CROCC2: variants seen among roughly 807,000 people sequenced by gnomAD.
CROCC2 encodes ciliary rootlet coiled-coil protein 2.
In CROCC2, 163 loss-of-function variants were observed where a neutral mutation model predicts 177.6. That is an observed-to-expected ratio of 0.92 (90% CI 0.81 to 1.05). The LOEUF (loss-of-function observed/expected upper bound fraction) is 1.05. Among genes scored for constraint, CROCC2 ranks in the 50% least tolerant of loss-of-function variants. The probability of loss-of-function intolerance (pLI) is 0.00; values close to 1 mark genes in which losing one functional copy is unlikely to be tolerated. For synonymous variants in CROCC2, 904 were observed against 787.3 expected (o/e 1.15, Z -2.48); for missense variants, 1,929 against 1,797.8 (o/e 1.07, Z -1.32).
At chr2:240,944,145 A>G (rs2059509915) in intron 14 of CROCC2, among the ~76,000 whole-genome samples, 1 of 152,218 alleles carries the variant, frequency 6.6e-6, no homozygotes, top group African/African-American at 2.4e-5. Context: ...AAGTCATTCC[A>G]TCATCTTCTG....
At chr2:240,964,073 A>C (rs879945448) in intron 21 of CROCC2, 5 of 554,422 alleles carry the variant, frequency 9.0e-6, no homozygotes, top group Non-Finnish European at 1.6e-5. Context: ...GCTGGGGAGC[A>C]GAGGGAGGCC....
intron 18 of CROCC2, chr2:240,951,001 A>C (rs2059552207): frequency 6.5e-6 from 1 of 154,542 alleles, no homozygotes. Flanking sequence ...CTACTCATCC[A>C]TCCATCCACC....
chr2:240,993,188 T>C lies in CROCC2; in HGVS notation c.*107T>C. 1.5e-6 allele frequency: 1 copy of C among 671,802 alleles called. No homozygotes were observed. Among genetic ancestry groups the C allele is most frequent in the Non-Finnish European group, 2.8e-6 (1 of 355,672 alleles). The allele number at this position is 671,802 out of a possible 1,614,324, so 41.6% of individuals were successfully genotyped here. ...TCAGCGTCACAGTGAAAGGCACCCG[T>C]GATGAGACAGCTCGCTCTCGGCAGT... is the stretch of plus-strand genomic sequence containing the variant. On this transcript the variant is annotated 3_prime_UTR_variant, in exon 32 of 32. Transcript: ENST00000690015.
chr2:240,949,571 G>A lies in CROCC2; in HGVS notation c.2521G>A (p.Glu841Lys), dbSNP rs946324577. ...GCTACAAAGTGACTGGGAGGTCCAG[G>A]AAATGAAGCTGCGGCAGGACACGGT... ...EQLQSDWEVQEMKLRQDTVRL... is the reference protein window; with the variant it reads ...EQLQSDWEVQKMKLRQDTVRL... The change falls in exon 17 of 32, where the codon GAA becomes AAA. Residue 841 changes from glutamate to lysine, a missense_variant. Physicochemically the swap from Glu to Lys is moderately conservative, Grantham distance 56 (BLOSUM62 1). Around this residue, in one of 3 missense-constraint regions of CROCC2, gnomAD observed 1,397 missense variants for 1,239.9 expected, o/e 1.13. Coordinates refer to ENST00000690015, the MANE Select transcript of CROCC2 (RefSeq NM_001351305.2). The surrounding 1 kb of genome is among the most constrained non-coding windows in gnomAD (Gnocchi z 4.5). 4 of 1,550,482 alleles carry A rather than the reference G, an allele frequency of 2.6e-6. No individual in the cohort carries two copies. The African/African-American group carries it at 5.5e-5, about 21-fold the overall frequency.
rs1009117949 is a variant in CROCC2 at position 240,992,320 on chromosome 2, C to T, written c.4947-746C>T. ...CCGTCCCAGTCGCAAGGACTCTGGC[C>T]TAAGGGTGCAAGGCCAGAGGCTCCC... On this transcript the variant is annotated intron_variant, in intron 31 of 31. Coordinates refer to ENST00000690015, the MANE Select transcript of CROCC2 (RefSeq NM_001351305.2). 2.0e-5 allele frequency among the ~76,000 whole-genome samples: 3 copies of T among 152,150 alleles called. 1 individual carries two copies. Among genetic ancestry groups the T allele is most frequent in the Non-Finnish European group, 4.4e-5 (3 of 68,032 alleles).
At chr2:240,915,925 C>G (rs1039922377) in intron 1 of CROCC2, among the ~76,000 whole-genome samples, 1 of 152,222 alleles carries the variant, frequency 6.6e-6, no homozygotes, top group African/African-American at 2.4e-5. Context: ...TGTTCCCTCC[C>G]ACTGCGAGGC....
intron 21 of CROCC2, chr2:240,964,226 G>T (rs1237835217): frequency 3.4e-6 from 2 of 585,594 alleles, no homozygotes; most frequent in African/African-American, 1.9e-5. Flanking sequence ...GACAGGGAGG[G>T]ATGAGGTGAG....
intron 19 of CROCC2, 29 bp downstream of exon 19, chr2:240,956,001 A>G (rs1019886336): frequency 1.3e-6 from 2 of 1,502,166 alleles, no homozygotes; most frequent in Admixed American, 3.9e-5. Flanking sequence ...GGCCACGTGC[A>G]CAGCCAAGCA....
chr2:240,972,441 G>A lies in CROCC2; in HGVS notation c.4401+4179G>A, dbSNP rs571550349. Among the ~76,000 whole-genome samples, 15 of 152,172 alleles carry A rather than the reference G, an allele frequency of 9.9e-5. No homozygotes were observed. The highest frequency in any genetic ancestry group is 1.2e-4 in the African/African-American group (5 of 41,526). ...GCCTCACAGGGATGGAGGGCTCCCC[G>A]GGTCCCCCAGCCACAGCAACCCTCT... On this transcript the variant is annotated intron_variant, in intron 27 of 31. Coordinates refer to ENST00000690015, the MANE Select transcript of CROCC2 (RefSeq NM_001351305.2). The surrounding 1 kb of genome is among the most constrained non-coding windows in gnomAD (Gnocchi z 7.1).
intron 14 of CROCC2, among the ~76,000 whole-genome samples, chr2:240,943,522 C>G (rs1030491645): frequency 2.7e-5 from 4 of 146,576 alleles, no homozygotes; most frequent in Non-Finnish European, 5.9e-5. Flanking sequence ...GAGTCTTGCT[C>G]TGTCGCCCAG....
At chr2:240,934,593 C>A in intron 12 of CROCC2, 118 bp downstream of exon 12, 1 of 1,103,332 alleles carries the variant, frequency 9.1e-7, no homozygotes, top group Non-Finnish European at 1.3e-6. Context: ...AGCCCATCAC[C>A]AGAGATCCCA....
At chr2:240,984,001 C>T (rs919657186) in intron 28 of CROCC2, among the ~76,000 whole-genome samples, 1 of 152,176 alleles carries the variant, frequency 6.6e-6, no homozygotes, top group Non-Finnish European at 1.5e-5. Flanking sequence ...TCAACGCTCA[C>T]AAGGATAGTG....
intron 4 of CROCC2, among the ~76,000 whole-genome samples, chr2:240,924,554 A>C (rs1438525680): frequency 5.3e-3 from 2 of 378 alleles, no homozygotes; most frequent in African/African-American, 0.026. Flanking sequence ...CCCAGCCCCC[A>C]ACACTAACCC....
intron 1 of CROCC2, among the ~76,000 whole-genome samples, chr2:240,916,577 G>A (rs141991586): frequency 0.098 from 14,751 of 150,010 alleles, 802 homozygotes; most frequent in South Asian, 0.22. Flanking sequence ...GGCTCCAGCT[G>A]GGCCGCGGCC....
At chr2:240,967,526 G>T in intron 26 of CROCC2, 61 bp downstream of exon 26, 1 of 1,539,676 alleles carries the variant, frequency 6.5e-7, no homozygotes, top group Non-Finnish European at 8.8e-7. Flanking sequence ...GCACCACCAT[G>T]TCCCCACTGC....
intron 28 of CROCC2, among the ~76,000 whole-genome samples, chr2:240,984,872 C>CCA (rs1491047750): frequency 4.2e-5 from 1 of 23,602 alleles, no homozygotes. Context: ...GGCACTCACT[C>CCA]CACACACACC....
intron 15 of CROCC2, among the ~76,000 whole-genome samples, chr2:240,947,596 G>T (rs528858496): frequency 6.6e-6 from 1 of 152,250 alleles, no homozygotes; most frequent in African/African-American, 2.4e-5. Flanking sequence ...GCCAGAGAGC[G>T]TGGAAGCTGC....
intron 14 of CROCC2, 96 bp from the exon 15 acceptor site, chr2:240,945,964 C>A: frequency 3.1e-6 from 3 of 958,862 alleles, no homozygotes; most frequent in Non-Finnish European, 4.5e-6. Flanking sequence ...CATAAAATCA[C>A]TTCTTCTGAA....
At chr2:240,906,692 C>T (rs2059256090) in intron 1 of CROCC2, 101 bp downstream of exon 1, 1 of 398,388 alleles carries the variant, frequency 2.5e-6, no homozygotes, top group South Asian at 1.3e-4. Flanking sequence ...GAGGCACCTT[C>T]CTGGCTCCCG....
Sources: allele counts gnomAD v4.1 joint callset (sites outside exome capture counted in the v4.1 genomes callset), GRCh38; gene constraint gnomAD v4.1.1; regional missense constraint gnomAD v4.1.1; non-coding constraint Gnocchi (gnomAD v3.1); transcripts MANE v1.5; gene names NCBI Gene and HGNC (gene_info 2026-07-23, HGNC 2026-07-21).